NRG2: variants seen among roughly 807,000 people sequenced by gnomAD.
The protein encoded by NRG2 is pro-neuregulin-2, membrane-bound isoform.
A neutral mutation model predicts 73.9 loss-of-function variants in NRG2; 27 were observed. The ratio of observed to expected loss-of-function variants is 0.37; its 90% CI spans 0.27 to 0.50. NRG2 has a LOEUF of 0.50. NRG2 is among the 20% of genes least tolerant of loss of function. NRG2 has a pLI of 0.96. For synonymous variants in NRG2, 532 were observed against 541.0 expected (o/e 0.98, Z 0.23); for missense variants, 1,126 against 1,210.1 (o/e 0.93, Z 1.03).
intron 1 of NRG2, among the ~76,000 whole-genome samples, chr5:139,952,669 A>G (rs1754303194): frequency 1.3e-5 from 2 of 152,328 alleles, no homozygotes; most frequent in African/African-American, 4.8e-5. Context: ...TGGAGGAGGA[A>G]TAATTGCACT....
At chr5:139,917,865 C>T (rs1337775170) in intron 1 of NRG2, among the ~76,000 whole-genome samples, 1 of 152,032 alleles carries the variant, frequency 6.6e-6, no homozygotes, top group African/African-American at 2.4e-5. Flanking sequence ...TTGATGGTAT[C>T]CTTTGAAATG....
intron 1 of NRG2, among the ~76,000 whole-genome samples, chr5:140,036,569 T>A (rs533276151): frequency 2.0e-5 from 3 of 152,350 alleles, no homozygotes; most frequent in African/African-American, 7.2e-5. Flanking sequence ...TCATCTACTT[T>A]CCCTAGTTTC....
chr5:139,940,233 A>G (rs1225612263), intron 1 of NRG2, among the ~76,000 whole-genome samples: 1 of 152,258 alleles, frequency 6.6e-6, no homozygotes, highest in African/African-American at 2.4e-5. Context: ...ATTGTGATAT[A>G]TAAAAACAAT....
intron 1 of NRG2, among the ~76,000 whole-genome samples, chr5:140,003,008 G>C (rs1758611748): frequency 6.6e-6 from 1 of 152,124 alleles, no homozygotes; most frequent in Non-Finnish European, 1.5e-5. Flanking sequence ...AACATTTTTT[G>C]AACTGGGGAA....
At chr5:139,916,830 C>T (rs756590685) in intron 1 of NRG2, among the ~76,000 whole-genome samples, 7 of 152,204 alleles carry the variant, frequency 4.6e-5, no homozygotes, top group South Asian at 2.1e-4. Flanking sequence ...TTCTACTTTT[C>T]GGCTATTACA....
At chr5:139,962,531 G>C (rs144623444) in intron 1 of NRG2, among the ~76,000 whole-genome samples, 13 of 152,294 alleles carry the variant, frequency 8.5e-5, no homozygotes, top group African/African-American at 3.1e-4. Flanking sequence ...GGTAAATGAA[G>C]AGTGGCCCCA....
intron 1 of NRG2, among the ~76,000 whole-genome samples, chr5:139,892,571 C>A (rs1037302938): frequency 6.6e-5 from 10 of 152,108 alleles, no homozygotes; most frequent in African/African-American, 2.4e-4. Context: ...GACACCCTCT[C>A]TGAGCTAGGT....
chr5:139,996,439 A>C (rs1300985536), intron 1 of NRG2, among the ~76,000 whole-genome samples: 4 of 152,222 alleles, frequency 2.6e-5, no homozygotes, highest in Non-Finnish European at 4.4e-5. Context: ...TATAATGAAC[A>C]TCTAGGAACA....
intron 1 of NRG2, among the ~76,000 whole-genome samples, chr5:139,941,584 T>C (rs1392796391): frequency 2.0e-5 from 3 of 152,252 alleles, no homozygotes; most frequent in Non-Finnish European, 4.4e-5. Context: ...AGCATATTCA[T>C]CACTTGGAAG....
intron 1 of NRG2, among the ~76,000 whole-genome samples, chr5:139,938,883 GGAA>G (rs1561693640): frequency 0.049 from 2,341 of 47,556 alleles, 31 homozygotes; most frequent in South Asian, 0.11. Flanking sequence ...AGAGAGAGAA[GGAA>G]AGAAAGAAAG....
chr5:139,888,082 T>C (rs963338697), intron 1 of NRG2, among the ~76,000 whole-genome samples: 1 of 151,760 alleles, frequency 6.6e-6, no homozygotes, highest in Non-Finnish European at 1.5e-5. Context: ...ACTTCCTTGC[T>C]CCTCTCCCCA....
intron 1 of NRG2, among the ~76,000 whole-genome samples, chr5:140,013,188 C>A (rs537452672): frequency 6.6e-6 from 1 of 152,250 alleles, no homozygotes; most frequent in East Asian, 1.9e-4. Context: ...TGTCGGCATC[C>A]ATATACATAA....
intron 1 of NRG2, among the ~76,000 whole-genome samples, chr5:139,937,850 A>G (rs1752959914): frequency 6.6e-6 from 1 of 152,226 alleles, no homozygotes; most frequent in African/African-American, 2.4e-5. Context: ...ATATTCTGTG[A>G]ACACACAGAA....
At chr5:139,973,862 T>C (rs1352811228) in intron 1 of NRG2, among the ~76,000 whole-genome samples, 1 of 151,996 alleles carries the variant, frequency 6.6e-6, no homozygotes, top group African/African-American at 2.4e-5. Flanking sequence ...ATGGGGCAGG[T>C]TATGAAAGAG....
At chr5:139,991,191 G>A (rs1049175632) in intron 1 of NRG2, among the ~76,000 whole-genome samples, 5 of 151,870 alleles carry the variant, frequency 3.3e-5, no homozygotes, top group East Asian at 1.9e-4. Context: ...GCAGAGAATC[G>A]CTTGAATCCC....
At chr5:139,878,274 A>G (rs891709546) in intron 3 of NRG2, among the ~76,000 whole-genome samples, 1 of 152,240 alleles carries the variant, frequency 6.6e-6, no homozygotes, top group Admixed American at 6.5e-5. Context: ...AGGCCAGGCA[A>G]AGATGGCCCC....
intron 1 of NRG2, among the ~76,000 whole-genome samples, chr5:140,028,990 G>C (rs116955682): frequency 6.6e-6 from 1 of 152,146 alleles, no homozygotes; most frequent in Non-Finnish European, 1.5e-5. Context: ...ATTCCAGCCA[G>C]AATTATATGC....
rs1761088388 is a variant in NRG2 at position 139,847,855 on chromosome 5, G to A, written c.*62C>T. Reference sequence around the variant, plus strand: ...TTTTTTCCTCCTTTCTCTCCAGTAGGCGGTCTCTGGTCTCCTTAAAGATAG... The same window carrying A: ...TTTTTTCCTCCTTTCTCTCCAGTAGACGGTCTCTGGTCTCCTTAAAGATAG... On this transcript the variant is annotated 3_prime_UTR_variant, in exon 10 of 10. Coordinates refer to ENST00000361474, the MANE Select transcript of NRG2 (RefSeq NM_004883.3). 1 of 957,340 alleles carries A rather than the reference G, an allele frequency of 1.0e-6. No homozygotes were observed. The highest frequency in any genetic ancestry group is 1.4e-6 in the Non-Finnish European group (1 of 718,136). 59.3% of individuals were successfully genotyped at this position (957,340 alleles called of 1,614,324 possible).
intron 1 of NRG2, among the ~76,000 whole-genome samples, chr5:139,959,367 T>TTTTG (rs752005492): frequency 5.5e-4 from 84 of 151,494 alleles, no homozygotes; most frequent in South Asian, 1.3e-3. Flanking sequence ...ACCTGGCTAA[T>TTTTG]TTTGTTTGTT....
Sources: gnomAD v4.1 joint callset for allele counts (sites outside exome capture counted in the v4.1 genomes callset) on GRCh38, gnomAD v4.1.1 for gene constraint, MANE v1.5 for transcripts, NCBI Gene and HGNC (gene_info 2026-07-23, HGNC 2026-07-21) for gene names.